SMAD9: variants seen among roughly 807,000 people sequenced by gnomAD.
The protein encoded by SMAD9 is SMAD family member 9.
A neutral mutation model predicts 46.1 loss-of-function variants in SMAD9; 36 were observed. The observed-to-expected ratio is 0.78, with a 90% CI of 0.60 to 1.03. SMAD9 has a LOEUF of 1.03. Ranked by LOEUF, SMAD9 falls within the 50% of genes least tolerant of loss-of-function variation. The probability of loss-of-function intolerance (pLI) is 0.00; values close to 1 mark genes in which losing one functional copy is unlikely to be tolerated. For missense variants in SMAD9, 572 were observed against 599.8 expected, an observed-to-expected ratio of 0.95 and a Z score of 0.48; for synonymous variants, 245 against 237.1, an observed-to-expected ratio of 1.03 and a Z score of -0.31.
At chr13:36,854,767 A>T (rs1566013460) in intron 5 of SMAD9, among the ~76,000 whole-genome samples, 1 of 152,238 alleles carries the variant, frequency 6.6e-6, no homozygotes, top group Non-Finnish European at 1.5e-5. Flanking sequence ...ACAATAAAAG[A>T]CACTTAAAAA....
At chr13:36,894,648 T>C (rs2058513886) in intron 1 of SMAD9, among the ~76,000 whole-genome samples, 1 of 152,116 alleles carries the variant, frequency 6.6e-6, no homozygotes, top group Non-Finnish European at 1.5e-5. Flanking sequence ...TCCTGACCTC[T>C]TCCTCTCCCC....
rs2138233922 is a variant in SMAD9 at position 36,845,071 on chromosome 13, T to C, written c.*3605A>G. The C allele has an allele frequency of 6.6e-6, 1 of 151,298 alleles. No individual in the cohort carries two copies. The highest frequency in any genetic ancestry group is 2.1e-4 in the South Asian group (1 of 4,778). 9.4% of individuals were successfully genotyped at this position (151,298 alleles called of 1,614,324 possible). On this transcript the variant is annotated 3_prime_UTR_variant, in exon 7 of 7. Coordinates refer to ENST00000379826, the MANE Select transcript of SMAD9 (RefSeq NM_001127217.3). ...GGAAAGACAAAATGTGAAATGCATG[T>C]TATATTTTGCTTTATTTGTTGAATA...
intron 5 of SMAD9, among the ~76,000 whole-genome samples, chr13:36,862,960 T>C (rs7999977): frequency 0.18 from 27,561 of 152,234 alleles, 2,796 homozygotes; most frequent in African/African-American, 0.26. Context: ...GCTCATGGTC[T>C]TTCTTCCACT....
At chr13:36,901,657 G>A (rs1369806498) in intron 1 of SMAD9, among the ~76,000 whole-genome samples, 1 of 152,062 alleles carries the variant, frequency 6.6e-6, no homozygotes, top group Admixed American at 6.6e-5. Flanking sequence ...TGAACTCCTA[G>A]CCTCAAATGA....
intron 1 of SMAD9, among the ~76,000 whole-genome samples, chr13:36,913,197 C>T (rs2138704603): frequency 6.6e-6 from 1 of 152,232 alleles, no homozygotes; most frequent in South Asian, 2.1e-4. Context: ...GAAATAAACC[C>T]AAATAGATTA....
chr13:36,917,697 A>C lies in SMAD9; in HGVS notation c.-187+2419T>G, dbSNP rs141422862. The stretch of plus-strand genomic sequence containing the variant: ...TAACCTTTACCTTCCCTAAAATCAG[A>C]GTACATCCTGTGGATAAGGATTATT... On this transcript the variant is annotated intron_variant, in intron 1 of 6. Transcript: ENST00000379826. Among the ~76,000 whole-genome samples the C allele has an allele frequency of 6.2e-3, 947 of 152,344 alleles. 7 individuals are homozygous for C. Among genetic ancestry groups the C allele is most frequent in the Non-Finnish European group, 0.01 (695 of 68,018 alleles).
At chr13:36,891,430 A>G (rs201604370) in intron 1 of SMAD9, among the ~76,000 whole-genome samples, 1 of 152,240 alleles carries the variant, frequency 6.6e-6, no homozygotes, top group Non-Finnish European at 1.5e-5. Context: ...AGTCTTAAAC[A>G]TGTAATAAAA....
chr13:36,889,039 A>T (rs2058470011), intron 1 of SMAD9, among the ~76,000 whole-genome samples: 1 of 152,178 alleles, frequency 6.6e-6, no homozygotes, highest in African/African-American at 2.4e-5. Flanking sequence ...GGAAATTGAG[A>T]AGAGGACTGC....
Position 36,891,012 on chromosome 13 carries a change from T to C in SMAD9, c.-186-11137A>G, listed in dbSNP as rs540077124. ...TCACAAGCCACTTTTATGGGGCTTATTAGAAAATGTATTAACTTCACTCCA... is the reference window on the plus strand; with the variant it reads ...TCACAAGCCACTTTTATGGGGCTTACTAGAAAATGTATTAACTTCACTCCA... On this transcript the variant is annotated intron_variant, in intron 1 of 6. Transcript: ENST00000379826. Among the ~76,000 whole-genome samples, 59 of 152,274 alleles carry C rather than the reference T, an allele frequency of 3.9e-4. 1 individual carries two copies. The South Asian group carries it at 8.5e-3, about 22-fold the overall frequency.
At chr13:36,862,123 G>C (rs541279102) in intron 5 of SMAD9, among the ~76,000 whole-genome samples, 4 of 152,096 alleles carry the variant, frequency 2.6e-5, no homozygotes, top group African/African-American at 4.8e-5. Flanking sequence ...TGACAGACTG[G>C]TTCAGGCTCC....
At chr13:36,909,423 C>T (rs1048232443) in intron 1 of SMAD9, among the ~76,000 whole-genome samples, 1 of 152,220 alleles carries the variant, frequency 6.6e-6, no homozygotes, top group Admixed American at 6.5e-5. Context: ...CCAGCACTAC[C>T]TTGTAGAGAT....
rs1411576546 is a variant in SMAD9, at chr13:36,879,679, G to C, written c.11C>G (p.Thr4Ser). Residue 4 changes from threonine (T) to serine (S), a missense_variant, in exon 2 of 7, where the codon ACC becomes AGC. Coordinates refer to ENST00000379826, the MANE Select transcript of SMAD9 (RefSeq NM_001127217.3). MHS[T>S]TPISSLFSFT... Reference sequence around the variant, plus strand: ...GGAGAAGAGGGAGCTGATGGGGGTGGTGGAGTGCATAAGAGGCCACAGCAG... The same window carrying C: ...GGAGAAGAGGGAGCTGATGGGGGTGCTGGAGTGCATAAGAGGCCACAGCAG... 1 of 1,614,134 alleles carries C rather than the reference G, an allele frequency of 6.2e-7. No homozygotes were observed. The highest frequency in any genetic ancestry group is 1.7e-5 in the Admixed American group (1 of 60,026).
rs1199466043 is a variant in SMAD9 at position 36,867,357 on chromosome 13, C to CA, written c.696dup (p.Ala233CysfsTer6). 5.8e-6 allele frequency: 9 copies of CA among 1,550,668 alleles called. No homozygotes were observed. The highest frequency in any genetic ancestry group is 7.9e-6 in the Non-Finnish European group (9 of 1,146,468). ...CTCTGGGTCTCAGAGGCTTCTGTGGCATGATAAGGCAGGGGTGGTGTGTCA... is the reference window on the plus strand; with the variant it reads ...CTCTGGGTCTCAGAGGCTTCTGTGGCAATGATAAGGCAGGGGTGGTGTGTCA... On this transcript the variant is annotated frameshift_variant, in exon 4 of 7. Transcript: ENST00000379826. LOFTEE classifies it high-confidence loss of function.
At chr13:36,900,060 T>C (rs2058561227) in intron 1 of SMAD9, among the ~76,000 whole-genome samples, 1 of 152,156 alleles carries the variant, frequency 6.6e-6, no homozygotes, top group South Asian at 2.1e-4. Flanking sequence ...CATGAATCCG[T>C]TACCTTCCTG....
At chr13:36,900,736 A>T (rs2058568584) in intron 1 of SMAD9, among the ~76,000 whole-genome samples, 1 of 148,558 alleles carries the variant, frequency 6.7e-6, no homozygotes, top group Non-Finnish European at 1.5e-5. Flanking sequence ...CATAAATGTA[A>T]ATTATTTTAC....
In SMAD9 at chr13:36,853,551, G is replaced by C. The variant is rs1361184513; in HGVS notation, c.1128C>G (p.Ile376Met). Residue 376 changes from isoleucine (I) to methionine (M), a missense_variant, in exon 6 of 7, where the codon ATC (isoleucine) becomes ATG (methionine). Transcript: ENST00000379826. ...HGFHPATVCK[I>M]PSGCSLKVFN... is the part of the protein sequence containing the mutation. ...AGACCTTGAGGCTGCAGCCGCTGGGGATCTTGCAGACGGTAGCTGGGTGGA... is the reference window on the plus strand; with the variant it reads ...AGACCTTGAGGCTGCAGCCGCTGGGCATCTTGCAGACGGTAGCTGGGTGGA... 1.2e-5 allele frequency: 20 copies of C among 1,614,064 alleles called. No individual in the cohort carries two copies. The highest frequency in any genetic ancestry group is 1.7e-5 in the Non-Finnish European group (20 of 1,180,050).
chr13:36,872,256 A>T (rs983358746), intron 3 of SMAD9, among the ~76,000 whole-genome samples: 48 of 151,652 alleles, frequency 3.2e-4, no homozygotes, highest in African/African-American at 1.1e-3. Flanking sequence ...GCTTCCTTTG[A>T]TTGTTGAAAG....
intron 1 of SMAD9, among the ~76,000 whole-genome samples, chr13:36,898,869 T>C (rs189473449): frequency 2.2e-4 from 34 of 152,276 alleles, no homozygotes; most frequent in African/African-American, 6.7e-4. Context: ...AGTACAGAAA[T>C]CTACTCTCAC....
intron 5 of SMAD9, among the ~76,000 whole-genome samples, chr13:36,856,349 G>A (rs957986934): frequency 1.3e-5 from 2 of 152,150 alleles, no homozygotes; most frequent in African/African-American, 4.8e-5. Context: ...TGTTATCTGA[G>A]TCTGTTATCT....
Sources: allele counts gnomAD v4.1 joint callset (sites outside exome capture counted in the v4.1 genomes callset), GRCh38; gene constraint gnomAD v4.1.1; transcripts MANE v1.5; gene names NCBI Gene and HGNC (gene_info 2026-07-23, HGNC 2026-07-21).